Variants in LARGE1 observed in about 807,000 individuals in gnomAD.
LARGE1 encodes LARGE xylosyl- and glucuronyltransferase 1.
Under a neutral mutation model 87.6 loss-of-function variants are expected in LARGE1, and 43 were observed. The ratio of observed to expected loss-of-function variants is 0.49; its 90% CI spans 0.38 to 0.63. The LOEUF (loss-of-function observed/expected upper bound fraction) is 0.63. Among genes scored for constraint, LARGE1 ranks in the 30% least tolerant of loss-of-function variants. LARGE1 has a pLI of 0.00. For missense variants in LARGE1, 802 were observed against 1,000.2 expected (o/e 0.80, Z 2.67); for synonymous variants, 434 against 394.6 (o/e 1.10, Z -1.18).
intron 1 of LARGE1, among the ~76,000 whole-genome samples, chr22:33,883,638 C>T (rs996235557): frequency 6.6e-6 from 1 of 152,270 alleles, no homozygotes; most frequent in Non-Finnish European, 1.5e-5. Flanking sequence ...TGCGCCCTTC[C>T]AGGCACACGA....
chr22:33,884,526 T>C (rs1393728872), intron 1 of LARGE1, among the ~76,000 whole-genome samples: 1 of 152,232 alleles, frequency 6.6e-6, no homozygotes, highest in Non-Finnish European at 1.5e-5. Flanking sequence ...TCAGTTTGGC[T>C]GGAGTGTCAC....
chr22:33,627,278 G>A (rs968199640), intron 3 of LARGE1, among the ~76,000 whole-genome samples: 6 of 152,154 alleles, frequency 3.9e-5, no homozygotes, highest in Non-Finnish European at 5.9e-5. Flanking sequence ...GAAAAAGATC[G>A]GAAAGCACCA....
intron 2 of LARGE1, among the ~76,000 whole-genome samples, chr22:33,760,828 G>A (rs151143270): frequency 7.9e-5 from 12 of 152,128 alleles, no homozygotes; most frequent in Non-Finnish European, 1.6e-4. Context: ...GTTGAGGCAG[G>A]AGAATCACTT....
At chr22:33,555,530 G>A (rs1000893674) in intron 6 of LARGE1, among the ~76,000 whole-genome samples, 1 of 152,126 alleles carries the variant, frequency 6.6e-6, no homozygotes, top group African/African-American at 2.4e-5. Flanking sequence ...CGAAGGGCTG[G>A]GATTATGGTA....
At chr22:33,327,043 G>C (rs1466757600) in intron 10 of LARGE1, among the ~76,000 whole-genome samples, 1 of 152,208 alleles carries the variant, frequency 6.6e-6, no homozygotes, top group Non-Finnish European at 1.5e-5. Flanking sequence ...CTGCGTGACT[G>C]AAGAGTTGGC....
intron 6 of LARGE1, among the ~76,000 whole-genome samples, chr22:33,534,189 G>C (rs2076976502): frequency 6.6e-6 from 1 of 151,964 alleles, no homozygotes; most frequent in Non-Finnish European, 1.5e-5. Context: ...CGGATCACGA[G>C]GTCAGGAGAT....
intron 6 of LARGE1, among the ~76,000 whole-genome samples, chr22:33,519,233 C>T (rs773631036): frequency 0.017 from 2,049 of 121,340 alleles, 21 homozygotes; most frequent in Middle Eastern, 0.032. Context: ...TGCGTGCGCG[C>T]GCGTGTGTGT....
At chr22:33,724,225 G>A (rs1301587180) in intron 2 of LARGE1, 1 of 152,500 alleles carries the variant, frequency 6.6e-6, no homozygotes, top group Non-Finnish European at 1.5e-5. Flanking sequence ...ACGCAGAGTG[G>A]AAGACAACCA....
chr22:33,487,044 A>G (rs1354956309), intron 6 of LARGE1, among the ~76,000 whole-genome samples: 3 of 152,236 alleles, frequency 2.0e-5, no homozygotes, highest in East Asian at 1.9e-4. Flanking sequence ...GAGTGACTGC[A>G]GCCTAAGTCT....
At position 33,650,516 on chromosome 22, in the gene LARGE1, G is replaced by T. The variant is rs373853930; in HGVS notation, c.259C>A (p.Gln87Lys). The T allele has an allele frequency of 1.1e-4, 182 of 1,612,834 alleles. 6 individuals are homozygous for T. The South Asian group carries it at 1.1e-3, about 10-fold the overall frequency. Residue 87 changes from glutamine to lysine, a missense_variant, in exon 3 of 15, where the codon CAG becomes AAG. This residue lies in a region of LARGE1 where 177 missense variants were observed against 158.3 expected (regional missense o/e 1.12). Coordinates refer to ENST00000397394, the MANE Select transcript of LARGE1 (RefSeq NM_133642.5). ...RALRRQLSLA[Q>K]GRAPSHRRGN... The stretch of plus-strand genomic sequence containing the variant: ...CGGCGATGGGATGGGGCTCGGCCCT[G>T]GGCCAGGCTGAGCTGCCTGCGGAGG...
At chr22:33,779,778 C>G (rs1017988121) in intron 1 of LARGE1, among the ~76,000 whole-genome samples, 1 of 151,942 alleles carries the variant, frequency 6.6e-6, no homozygotes, top group Admixed American at 6.6e-5. Flanking sequence ...AAGAGCAAAA[C>G]TCTTGTTTCA....
At chr22:33,866,596 G>A (rs537529100) in intron 1 of LARGE1, among the ~76,000 whole-genome samples, 1 of 152,178 alleles carries the variant, frequency 6.6e-6, no homozygotes, top group Non-Finnish European at 1.5e-5. Context: ...TGTAAAATGG[G>A]GATAATGTAG....
At chr22:33,392,994 T>C (rs1320321559) in intron 7 of LARGE1, among the ~76,000 whole-genome samples, 1 of 152,162 alleles carries the variant, frequency 6.6e-6, no homozygotes, top group Non-Finnish European at 1.5e-5. Flanking sequence ...AGGAGATCTC[T>C]TGAGGTTATT....
At chr22:33,351,449 AT>A (rs1241037497) in intron 9 of LARGE1, among the ~76,000 whole-genome samples, 2 of 152,226 alleles carry the variant, frequency 1.3e-5, no homozygotes, top group Admixed American at 6.5e-5. Context: ...TCATAATATT[AT>A]TTTATAATTA....
At chr22:33,841,920 A>C (rs898572005) in intron 1 of LARGE1, among the ~76,000 whole-genome samples, 1 of 152,206 alleles carries the variant, frequency 6.6e-6, no homozygotes, top group Non-Finnish European at 1.5e-5. Context: ...ATAGTGGCAA[A>C]TTATTTTAAA....
intron 1 of LARGE1, among the ~76,000 whole-genome samples, chr22:33,915,253 C>T (rs2065753488): frequency 6.6e-6 from 1 of 152,166 alleles, no homozygotes. Context: ...CACACATATG[C>T]ACACATGCCC....
Position 33,549,750 on chromosome 22 carries a change from G to T in LARGE1, c.787+15098C>A, listed in dbSNP as rs114539958. Among the ~76,000 whole-genome samples, 393 of 152,286 alleles carry T rather than the reference G, an allele frequency of 2.6e-3. 1 individual carries two copies. Among genetic ancestry groups the T allele is most frequent in the African/African-American group, 9.0e-3 (373 of 41,568 alleles). On this transcript the variant is annotated intron_variant, in intron 6 of 14. Transcript: ENST00000397394. Reference sequence around the variant, plus strand: ...ACATGGATCGTGGACTATGAGTTATGAACTGAAAAAGAAGTTGTGGTGTTC... The same window carrying T: ...ACATGGATCGTGGACTATGAGTTATTAACTGAAAAAGAAGTTGTGGTGTTC...
chr22:33,079,607 A>G, the LARGE1 span, among the ~76,000 whole-genome samples: 4 of 152,230 alleles, frequency 2.6e-5, no homozygotes, highest in East Asian at 7.7e-4. Flanking sequence ...TACTGATAAG[A>G]TAGACTAGAC....
chr22:33,084,668 C>T, the LARGE1 span, among the ~76,000 whole-genome samples: 1 of 151,890 alleles, frequency 6.6e-6, no homozygotes, highest in East Asian at 1.9e-4. Flanking sequence ...AAAAACAAAA[C>T]AAACAAACAG....
Sources: allele counts gnomAD v4.1 joint callset (sites outside exome capture counted in the v4.1 genomes callset), GRCh38; gene constraint gnomAD v4.1.1; regional missense constraint gnomAD v4.1.1; transcripts MANE v1.5; gene names NCBI Gene and HGNC (gene_info 2026-07-23, HGNC 2026-07-21).